The following HOOK3 variants were observed in gnomAD, a reference collection of about 807,000 sequenced individuals.
HOOK3 encodes the protein hook microtubule tethering protein 3.
A neutral mutation model predicts 116.3 loss-of-function variants in HOOK3; 24 were observed. The observed-to-expected ratio is 0.21, with a 90% confidence interval of 0.15 to 0.29. The LOEUF (loss-of-function observed/expected upper bound fraction) is 0.29, where lower values mean the gene tolerates loss of function less well. HOOK3 is among the 10% of genes least tolerant of loss of function. The probability of loss-of-function intolerance (pLI) is 1.00; values close to 1 mark genes in which losing one functional copy is unlikely to be tolerated. For synonymous variants in HOOK3, 275 were observed against 283.0 expected, an observed-to-expected ratio of 0.97 and a Z score of 0.28; for missense variants, 632 against 830.2, an observed-to-expected ratio of 0.76 and a Z score of 2.93.
chr8:42,906,183 T>A lies in HOOK3; in HGVS notation c.68T>A (p.Phe23Tyr), dbSNP rs773176964. 8.8e-7 allele frequency: 1 copy of A among 1,136,386 alleles called. No homozygotes were observed. The highest frequency in any genetic ancestry group is 1.2e-5 in the South Asian group (1 of 82,610). The allele number at this position is 1,136,386 out of a possible 1,614,324, so 70.4% of individuals were successfully genotyped here. A position where few individuals can be genotyped will look rare whatever the true frequency, so the allele number is the denominator to read the frequency against. The change falls in exon 2 of 22, where the codon TTT (phenylalanine) becomes TAT (tyrosine). Residue 23 changes from phenylalanine (F) to tyrosine (Y), a missense_variant. This residue lies in a region of HOOK3 where 141 missense variants were observed against 150.8 expected (regional missense o/e 0.93). Coordinates refer to ENST00000307602, the MANE Select transcript of HOOK3 (RefSeq NM_032410.4). ...TTTTTTTCCCTTCAGATCCAGACATTTAATGTGGATGCACCATGCCAGACC... is the reference window on the plus strand; with the variant it reads ...TTTTTTTCCCTTCAGATCCAGACATATAATGTGGATGCACCATGCCAGACC... ...CESLLTWIQT[F>Y]NVDAPCQTVE...
intron 15 of HOOK3, among the ~76,000 whole-genome samples, chr8:42,991,125 C>A (rs766505664): frequency 6.6e-6 from 1 of 152,092 alleles, no homozygotes; most frequent in East Asian, 1.9e-4. Flanking sequence ...TCTCTGACTT[C>A]TCTTTTCTGT....
At chr8:43,008,664 T>TTTTTTA (rs1809542496) in intron 18 of HOOK3, among the ~76,000 whole-genome samples, 2 of 136,064 alleles carry the variant, frequency 1.5e-5, no homozygotes, top group African/African-American at 5.5e-5. Flanking sequence ...TTTATTTTTA[T>TTTTTTA]TTTTTTTTTT....
intron 2 of HOOK3, among the ~76,000 whole-genome samples, chr8:42,912,777 C>T (rs1331135972): frequency 6.6e-6 from 1 of 152,188 alleles, no homozygotes; most frequent in Non-Finnish European, 1.5e-5. Context: ...CAAAGGCCGT[C>T]GTTAACGTTA....
At chr8:42,939,564 GCGGGGGGC>G (rs1808056217) in intron 4 of HOOK3, among the ~76,000 whole-genome samples, 3 of 142,868 alleles carry the variant, frequency 2.1e-5, no homozygotes, top group Non-Finnish European at 3.1e-5. Context: ...GGCTGGCCGA[GCGGGGGGC>G]TGACCCCCCC....
At chr8:42,969,200 T>C (rs1359968101) in intron 11 of HOOK3, among the ~76,000 whole-genome samples, 2 of 152,252 alleles carry the variant, frequency 1.3e-5, no homozygotes, top group African/African-American at 4.8e-5. Flanking sequence ...TACAACTTGA[T>C]GGACTTTCTG....
At chr8:43,017,114 G>A (rs1809732934) in intron 21 of HOOK3, among the ~76,000 whole-genome samples, 1 of 152,150 alleles carries the variant, frequency 6.6e-6, no homozygotes, top group Admixed American at 6.5e-5. Context: ...ATCCTTCATT[G>A]CATCCCGTAG....
At chr8:42,998,670 A>G (rs1330763539) in intron 16 of HOOK3, among the ~76,000 whole-genome samples, 1 of 151,824 alleles carries the variant, frequency 6.6e-6, no homozygotes, top group Non-Finnish European at 1.5e-5. Context: ...ACATCATCTC[A>G]TGTATATTGG....
rs891988584 is a variant in HOOK3 at position 43,030,420 on chromosome 8, G to A, written c.*11922G>A. ...TATAATATATGTATATGTATATGAAGAATAAAGTTAAGATTTGGTCAAACT... is the reference window on the plus strand; with the variant it reads ...TATAATATATGTATATGTATATGAAAAATAAAGTTAAGATTTGGTCAAACT... On this transcript the variant is annotated 3_prime_UTR_variant, in exon 22 of 22. Coordinates refer to ENST00000307602, the MANE Select transcript of HOOK3 (RefSeq NM_032410.4). The A allele has an allele frequency of 5.6e-6, 1 of 178,438 alleles. No homozygotes were observed. The highest frequency in any genetic ancestry group is 1.2e-5 in the Non-Finnish European group (1 of 83,238). The allele number at this position is 178,438 out of a possible 1,614,324, so 11.1% of individuals were successfully genotyped here. A position where few individuals can be genotyped will look rare whatever the true frequency, so the allele number is the denominator to read the frequency against.
intron 15 of HOOK3, among the ~76,000 whole-genome samples, chr8:42,988,325 G>T (rs1253242314): frequency 6.6e-6 from 1 of 152,084 alleles, no homozygotes; most frequent in Non-Finnish European, 1.5e-5. Flanking sequence ...TTTGCCTCTG[G>T]GCTGTATTTT....
intron 1 of HOOK3, among the ~76,000 whole-genome samples, chr8:42,903,338 C>CTTTTTTT (rs1164136399): frequency 6.8e-5 from 6 of 87,606 alleles, no homozygotes; most frequent in Non-Finnish European, 1.3e-4. Context: ...TAATAGTTGT[C>CTTTTTTT]TTTTTTTTTT....
chr8:42,902,529 C>G (rs1807212083), intron 1 of HOOK3, among the ~76,000 whole-genome samples: 1 of 152,120 alleles, frequency 6.6e-6, no homozygotes, highest in African/African-American at 2.4e-5. Context: ...GCTTTGACCT[C>G]CCATAGTGCT....
At chr8:42,925,726 G>A in intron 3 of HOOK3, 97 bp downstream of exon 3, 1 of 725,756 alleles carries the variant, frequency 1.4e-6, no homozygotes, top group Middle Eastern at 3.6e-4. Context: ...AGCTTTAGAA[G>A]CTTAGGTAGC....
At chr8:42,992,710 CAAAAAAAA>C (rs35064772) in intron 15 of HOOK3, among the ~76,000 whole-genome samples, 2 of 56,592 alleles carry the variant, frequency 3.5e-5, no homozygotes, top group Admixed American at 1.9e-4. Flanking sequence ...GACTCCATCT[CAAAAAAAA>C]AAAAAAAAAA....
chr8:42,943,497 G>A (rs1167934288), intron 5 of HOOK3, 52 bp downstream of exon 5: 1 of 1,215,174 alleles, frequency 8.2e-7, no homozygotes, highest in Non-Finnish European at 1.1e-6. Context: ...GGAAAGTAGT[G>A]TATATTTTAT....
chr8:42,903,576 C>T (rs1807239694), intron 1 of HOOK3, among the ~76,000 whole-genome samples: 1 of 150,780 alleles, frequency 6.6e-6, no homozygotes, highest in Non-Finnish European at 1.5e-5. Context: ...ATCTCCTGAC[C>T]TCGTGATCCA....
chr8:42,934,149 A>G (rs1259493223), intron 4 of HOOK3, among the ~76,000 whole-genome samples: 3 of 151,746 alleles, frequency 2.0e-5, no homozygotes, highest in African/African-American at 7.3e-5. Context: ...GCCTGGGTTA[A>G]TCCTTTAATT....
intron 2 of HOOK3, among the ~76,000 whole-genome samples, chr8:42,914,928 C>G (rs1366502506): frequency 6.6e-6 from 1 of 152,140 alleles, no homozygotes; most frequent in Non-Finnish European, 1.5e-5. Flanking sequence ...ATCAGCCTGG[C>G]TAACATGGGA....
At chr8:42,908,238 A>G (rs1040801430) in intron 2 of HOOK3, among the ~76,000 whole-genome samples, 1 of 152,220 alleles carries the variant, frequency 6.6e-6, no homozygotes, top group African/African-American at 2.4e-5. Context: ...TGCCCATACT[A>G]CTGAAAGTGA....
At chr8:42,983,056 T>G (rs1215452639) in intron 14 of HOOK3, among the ~76,000 whole-genome samples, 5 of 152,176 alleles carry the variant, frequency 3.3e-5, no homozygotes, top group African/African-American at 1.2e-4. Context: ...GCTAACCAGC[T>G]GGGCTTGGTG....
Sources: allele counts gnomAD v4.1 joint callset (sites outside exome capture counted in the v4.1 genomes callset), GRCh38; gene constraint gnomAD v4.1.1; regional missense constraint gnomAD v4.1.1; transcripts MANE v1.5; gene names NCBI Gene and HGNC (gene_info 2026-07-23, HGNC 2026-07-21).